ADAMTSL3: variants seen among roughly 807,000 people sequenced by gnomAD.
The protein encoded by ADAMTSL3 is ADAMTS-like protein 3.
ADAMTSL3 carries 128 observed loss-of-function variants against 201.7 expected under a neutral mutation model. That is an observed-to-expected ratio of 0.63 (90% CI 0.55 to 0.73). The LOEUF is 0.73. Among genes scored for constraint, ADAMTSL3 ranks in the 30% least tolerant of loss-of-function variants. The probability of loss-of-function intolerance (pLI) is 0.00; values close to 1 mark genes in which losing one functional copy is unlikely to be tolerated. For missense variants in ADAMTSL3, 1,990 were observed against 2,119.6 expected, an observed-to-expected ratio of 0.94 and a Z score of 1.20; for synonymous variants, 738 against 748.4, an observed-to-expected ratio of 0.99 and a Z score of 0.23.
chr15:83,837,466 G>A (rs1170768608), intron 6 of ADAMTSL3, among the ~76,000 whole-genome samples: 2 of 152,024 alleles, frequency 1.3e-5, no homozygotes, highest in African/African-American at 4.8e-5. Context: ...CGTCTGTAAT[G>A]TTCTGTTTAT....
chr15:84,032,695 CTCTAT>C (rs2068430999), intron 28 of ADAMTSL3, among the ~76,000 whole-genome samples: 3 of 152,138 alleles, frequency 2.0e-5, no homozygotes, highest in African/African-American at 7.2e-5. Context: ...GTACTTAATA[CTCTAT>C]TCTACTCAAT....
At chr15:83,661,768 G>A (rs902990469) in intron 2 of ADAMTSL3, among the ~76,000 whole-genome samples, 2 of 151,266 alleles carry the variant, frequency 1.3e-5, no homozygotes, top group African/African-American at 4.9e-5. Flanking sequence ...CAAAGGACAT[G>A]AACAGAAACT....
At chr15:83,798,806 CAA>C (rs11340224) in intron 4 of ADAMTSL3, among the ~76,000 whole-genome samples, 2,165 of 76,272 alleles carry the variant, frequency 0.028, 36 homozygotes, top group African/African-American at 0.084. Context: ...GACTCCGTCT[CAA>C]AAAAAAAAAA....
chr15:83,819,891 T>C lies in ADAMTSL3; in HGVS notation c.444T>C (p.Tyr148=), dbSNP rs771681530. 2 of 1,614,140 alleles carry C rather than the reference T, an allele frequency of 1.2e-6. No individual in the cohort carries two copies. The highest frequency in any genetic ancestry group is 3.3e-5 in the Admixed American group (2 of 60,024). ...ATGTCCAGTATCAGGGGCATTACTA[T>C]GAATGGCTTCCACGATATAATGATC... ...YNDVQYQGHY[Y]EWLPRYNDPA... The change falls in exon 6 of 30, where the codon TAT becomes TAC. Residue 148 remains tyrosine (Y), a synonymous_variant. Coordinates refer to ENST00000286744, the MANE Select transcript of ADAMTSL3 (RefSeq NM_207517.3).
intron 2 of ADAMTSL3, among the ~76,000 whole-genome samples, chr15:83,663,387 T>C (rs1691873910): frequency 6.6e-6 from 1 of 152,254 alleles, no homozygotes; most frequent in Non-Finnish European, 1.5e-5. Flanking sequence ...CATAATGGCA[T>C]AAGTGGCATT....
intron 4 of ADAMTSL3, among the ~76,000 whole-genome samples, chr15:83,785,906 C>A (rs142452893): frequency 6.6e-6 from 1 of 151,706 alleles, no homozygotes; most frequent in Non-Finnish European, 1.5e-5. Flanking sequence ...TACAGTGGTG[C>A]GATCTCAGCT....
At chr15:83,783,195 C>T (rs2141796412) in intron 4 of ADAMTSL3, among the ~76,000 whole-genome samples, 1 of 151,352 alleles carries the variant, frequency 6.6e-6, no homozygotes, top group South Asian at 2.1e-4. Context: ...GACAATTTAC[C>T]TTCAACTTTT....
intron 19 of ADAMTSL3, among the ~76,000 whole-genome samples, chr15:83,954,454 T>C (rs997158679): frequency 2.6e-5 from 4 of 152,254 alleles, no homozygotes; most frequent in Non-Finnish European, 5.9e-5. Context: ...TTGAATTTGT[T>C]TGAGTTTCCT....
intron 27 of ADAMTSL3, chr15:84,025,693 T>C (rs1225178458): frequency 6.2e-6 from 2 of 324,178 alleles, no homozygotes; most frequent in African/African-American, 4.2e-5. Context: ...GTTAGACCAG[T>C]TTAGGGCAGT....
intron 10 of ADAMTSL3, among the ~76,000 whole-genome samples, chr15:83,889,303 C>G (rs1335337804): frequency 6.6e-6 from 1 of 152,098 alleles, no homozygotes; most frequent in Non-Finnish European, 1.5e-5. Context: ...ATTTGGAAAG[C>G]TTATTGGTAT....
At chr15:83,849,230 A>T (rs2064560678) in intron 7 of ADAMTSL3, among the ~76,000 whole-genome samples, 1 of 152,130 alleles carries the variant, frequency 6.6e-6, no homozygotes, top group South Asian at 2.1e-4. Context: ...GGGTTCAAGG[A>T]ATCCTCCTGC....
At position 83,949,429 on chromosome 15, in the gene ADAMTSL3, T is replaced by C. The variant is rs2066718214; in HGVS notation, c.2490+6347T>C. On this transcript the variant is annotated intron_variant, in intron 19 of 29. Coordinates refer to ENST00000286744, the MANE Select transcript of ADAMTSL3 (RefSeq NM_207517.3). Reference sequence around the variant, plus strand: ...AGTCTGCTGACGGACACTTAGGTTGTTTCCATATCTTGGCTATTGTGAATA... The same window carrying C: ...AGTCTGCTGACGGACACTTAGGTTGCTTCCATATCTTGGCTATTGTGAATA... 2.0e-5 allele frequency among the ~76,000 whole-genome samples: 3 copies of C among 152,164 alleles called. No individual in the cohort carries two copies. The South Asian group carries it at 6.2e-4, about 32-fold the overall frequency.
intron 19 of ADAMTSL3, among the ~76,000 whole-genome samples, chr15:83,951,344 C>T (rs2066753657): frequency 6.6e-6 from 1 of 152,132 alleles, no homozygotes; most frequent in Non-Finnish European, 1.5e-5. Flanking sequence ...GTTAAGCCAT[C>T]CTTGCATCCC....
intron 20 of ADAMTSL3, among the ~76,000 whole-genome samples, chr15:83,979,859 G>A (rs2067353534): frequency 6.6e-6 from 1 of 152,156 alleles, no homozygotes; most frequent in South Asian, 2.1e-4. Flanking sequence ...AAAGAAACTG[G>A]GTCAGGAATG....
intron 23 of ADAMTSL3, among the ~76,000 whole-genome samples, chr15:84,002,993 G>A (rs2067826456): frequency 7.5e-6 from 1 of 134,170 alleles, no homozygotes; most frequent in African/African-American, 2.8e-5. Flanking sequence ...CCAAGCTGGA[G>A]TGCCACTGCA....
chr15:83,801,645 A>AATATATAT (rs1491381194), intron 4 of ADAMTSL3, among the ~76,000 whole-genome samples: 1 of 43,902 alleles, frequency 2.3e-5, no homozygotes, highest in Non-Finnish European at 4.8e-5. Flanking sequence ...TAAATATATA[A>AATATATAT]ATATAAATAT....
intron 3 of ADAMTSL3, among the ~76,000 whole-genome samples, chr15:83,732,167 A>G (rs555910489): frequency 6.6e-6 from 1 of 152,218 alleles, no homozygotes; most frequent in African/African-American, 2.4e-5. Context: ...GCTTTTACTA[A>G]AAGAGAATCA....
intron 6 of ADAMTSL3, among the ~76,000 whole-genome samples, chr15:83,821,976 G>T (rs867832979): frequency 6.8e-6 from 1 of 147,162 alleles, no homozygotes; most frequent in Admixed American, 6.7e-5. Context: ...CCTCCCGGAC[G>T]GGGCTGCTGG....
At chr15:83,837,209 G>C (rs1013082230) in intron 6 of ADAMTSL3, among the ~76,000 whole-genome samples, 1 of 151,346 alleles carries the variant, frequency 6.6e-6, no homozygotes, top group African/African-American at 2.4e-5. Flanking sequence ...TAATGACAGC[G>C]GTGGAGATAC....
Sources: allele counts gnomAD v4.1 joint callset (sites outside exome capture counted in the v4.1 genomes callset), GRCh38; gene constraint gnomAD v4.1.1; transcripts MANE v1.5; gene names NCBI Gene and HGNC (gene_info 2026-07-23, HGNC 2026-07-21).